ZDHHC11B: variants seen among roughly 807,000 people sequenced by gnomAD.
ZDHHC11B encodes the protein probable palmitoyltransferase ZDHHC11B.
In ZDHHC11B, 17 loss-of-function variants were observed where a neutral mutation model predicts 42.3. The ratio of observed to expected loss-of-function variants is 0.40; its 90% CI spans 0.27 to 0.60. The LOEUF is 0.60. ZDHHC11B is among the 20% of genes least tolerant of loss of function. ZDHHC11B has a pLI of 0.41. For missense variants in ZDHHC11B, 262 were observed against 463.2 expected (o/e 0.57, Z 3.99); for synonymous variants, 123 against 193.5 (o/e 0.64, Z 3.02).
rs1327078122 is a variant in ZDHHC11B, at chr5:759,501, G to A, written c.223-3357C>T. Reference sequence around the variant, plus strand: ...TCGTGCTGCCCTGGGCCACAGCAAGGAGCTTTGCTGGGAAGAGATTTCTCC... The same window carrying A: ...TCGTGCTGCCCTGGGCCACAGCAAGAAGCTTTGCTGGGAAGAGATTTCTCC... On this transcript the variant is annotated intron_variant, in intron 4 of 13. Transcript: ENST00000508859. Among the ~76,000 whole-genome samples the A allele has an allele frequency of 1.1e-4, 17 of 152,104 alleles. No individual in the cohort carries two copies. In the East Asian group the frequency reaches 3.3e-3, roughly 29 times the overall value.
chr5:754,374 C>G (rs1248603157), intron 6 of ZDHHC11B, among the ~76,000 whole-genome samples: 2 of 120,130 alleles, frequency 1.7e-5, no homozygotes, highest in African/African-American at 2.8e-5. Flanking sequence ...TCAGGGGAAA[C>G]ACCTCTCATC....
chr5:721,189 T>C (rs373726109), intron 12 of ZDHHC11B, among the ~76,000 whole-genome samples: 15 of 151,312 alleles, frequency 9.9e-5, no homozygotes, highest in Admixed American at 5.9e-4. Context: ...ACTAGGAAGA[T>C]AATTAGAAAA....
intron 4 of ZDHHC11B, among the ~76,000 whole-genome samples, chr5:762,339 C>A (rs912675570): frequency 6.6e-5 from 10 of 151,880 alleles, no homozygotes; most frequent in African/African-American, 2.2e-4. Flanking sequence ...ACGCAGGTTG[C>A]AAGAGGGATG....
intron 4 of ZDHHC11B, among the ~76,000 whole-genome samples, chr5:760,907 C>A (rs190288691): frequency 2.4e-4 from 37 of 151,112 alleles, no homozygotes; most frequent in Admixed American, 1.8e-3. Flanking sequence ...GTGCAGCGTT[C>A]TTCTGAAACT....
In ZDHHC11B at chr5:716,792, G is replaced by C. The variant is rs556914837; in HGVS notation, c.*7+9C>G. The stretch of plus-strand genomic sequence containing the variant: ...ATTTCAACATGACCTGCACTGCCAC[G>C]TATCTTACCCGAATCTCAGTCTTCA... On this transcript the variant is annotated intron_variant, in intron 13 of 13. Transcript: ENST00000508859. The C allele has an allele frequency of 1.2e-6, 2 of 1,612,840 alleles. No homozygotes were observed. Among genetic ancestry groups the C allele is most frequent in the East Asian group, 2.2e-5 (1 of 44,840 alleles).
At chr5:748,891 ACCC>A (rs1246252641) in intron 7 of ZDHHC11B, among the ~76,000 whole-genome samples, 1 of 123,590 alleles carries the variant, frequency 8.1e-6, no homozygotes, top group Non-Finnish European at 1.8e-5. Context: ...CACAGTGCCC[ACCC>A]CTTCCTAAGT....
rs1387066834 is a variant in ZDHHC11B at position 711,222 on chromosome 5, TG to T, written c.*1067del. The T allele has an allele frequency of 6.4e-6, 1 of 155,938 alleles. No homozygotes were observed. Among genetic ancestry groups the T allele is most frequent in the African/African-American group, 2.4e-5 (1 of 41,090 alleles). The allele number at this position is 155,938 out of a possible 1,614,324, so 9.7% of individuals were successfully genotyped here. ...GCTGTGCCCTCCCCTTTCCCAGTAC[TG>T]TGCTCCCATTTCCCAATACTGTGCT... On this transcript the variant is annotated 3_prime_UTR_variant, in exon 14 of 14. Coordinates refer to ENST00000508859, the MANE Select transcript of ZDHHC11B (RefSeq NM_001351303.2).
At chr5:776,587 A>G (rs536129710) in intron 1 of ZDHHC11B, among the ~76,000 whole-genome samples, 1 of 151,888 alleles carries the variant, frequency 6.6e-6, no homozygotes, top group Admixed American at 6.6e-5. Context: ...TCAGCTCGAG[A>G]CCCTCGCTGG....
At chr5:776,108 A>G (rs548045189) in intron 1 of ZDHHC11B, among the ~76,000 whole-genome samples, 23 of 148,796 alleles carry the variant, frequency 1.5e-4, no homozygotes, top group African/African-American at 4.3e-4. Context: ...CCTCCACCCC[A>G]GGCTGGCTGC....
chr5:750,921 G>T (rs573893149), intron 7 of ZDHHC11B, among the ~76,000 whole-genome samples: 1 of 118,660 alleles, frequency 8.4e-6, no homozygotes, highest in African/African-American at 2.7e-5. Flanking sequence ...CGTGGCCAGC[G>T]CCCTCCCCGA....
At chr5:751,009 A>C (rs60442205) in intron 7 of ZDHHC11B, 124 bp downstream of exon 7, 20,599 of 718,126 alleles carry the variant, frequency 0.029, 529 homozygotes, top group African/African-American at 0.25. Flanking sequence ...CAGAGCCTGC[A>C]TGGGGCTGCC....
intron 10 of ZDHHC11B, among the ~76,000 whole-genome samples, chr5:737,233 G>C (rs1333796102): frequency 2.0e-5 from 3 of 147,702 alleles, no homozygotes; most frequent in Non-Finnish European, 4.4e-5. Flanking sequence ...TAACTTCCTG[G>C]AAATATACAA....
At chr5:761,295 G>T (rs1734579487) in intron 4 of ZDHHC11B, among the ~76,000 whole-genome samples, 1 of 151,870 alleles carries the variant, frequency 6.6e-6, no homozygotes, top group Non-Finnish European at 1.5e-5. Context: ...GGGCTTTAGT[G>T]ACATCCTCAT....
Position 749,575 on chromosome 5 carries a change from G to C in ZDHHC11B, c.629-1016C>G, listed in dbSNP as rs1745335838. Among the ~76,000 whole-genome samples, 2 of 130,246 alleles carry C rather than the reference G, an allele frequency of 1.5e-5. 1 individual carries two copies. The highest frequency in any genetic ancestry group is 3.4e-5 in the Non-Finnish European group (2 of 58,564). 85.4% of individuals were successfully genotyped at this position (130,246 alleles called of 152,430 possible). ...CGATGAGTTCAGCCCATGAGAACAA[G>C]GAGCTGCTTTGCTCAGGGCCTTGCT... On this transcript the variant is annotated intron_variant, in intron 7 of 13. Coordinates refer to ENST00000508859, the MANE Select transcript of ZDHHC11B (RefSeq NM_001351303.2).
chr5:764,027 A>G (rs1374960286), intron 4 of ZDHHC11B, among the ~76,000 whole-genome samples: 1 of 151,942 alleles, frequency 6.6e-6, no homozygotes, highest in Non-Finnish European at 1.5e-5. Flanking sequence ...GGAAAGAGAG[A>G]CATGGCCTTG....
chr5:784,445 C>G (rs1378188247), intron 1 of ZDHHC11B, among the ~76,000 whole-genome samples: 1 of 149,928 alleles, frequency 6.7e-6, no homozygotes, highest in South Asian at 2.1e-4. Context: ...GCGGCCTTTG[C>G]AAAGCCTCCC....
chr5:730,543 A>T, intron 11 of ZDHHC11B, 75 bp from the exon 12 acceptor site: 1 of 1,433,794 alleles, frequency 7.0e-7, no homozygotes, highest in Non-Finnish European at 9.3e-7. Flanking sequence ...CTTAAACAAA[A>T]TTCAAGTTCA....
At chr5:759,294 G>C (rs1480281454) in intron 4 of ZDHHC11B, among the ~76,000 whole-genome samples, 2 of 151,880 alleles carry the variant, frequency 1.3e-5, no homozygotes, top group Non-Finnish European at 2.9e-5. Context: ...CCTTTCCCCC[G>C]CCCTGTTCTG....
intron 10 of ZDHHC11B, among the ~76,000 whole-genome samples, chr5:741,294 T>G (rs1744129653): frequency 6.7e-6 from 1 of 148,444 alleles, no homozygotes; most frequent in Non-Finnish European, 1.5e-5. Context: ...ACTACCCACA[T>G]GTTCATGGAG....
Sources: gnomAD v4.1 joint callset for allele counts (sites outside exome capture counted in the v4.1 genomes callset) on GRCh38, gnomAD v4.1.1 for gene constraint, MANE v1.5 for transcripts, NCBI Gene and HGNC (gene_info 2026-07-23, HGNC 2026-07-21) for gene names.